NAV2: variants seen among roughly 807,000 people sequenced by gnomAD.
The protein encoded by NAV2 is helicase, APC down-regulated 1.
In NAV2, 54 loss-of-function variants were observed where a neutral mutation model predicts 223.2. That is an observed-to-expected ratio of 0.24 (90% CI 0.19 to 0.30). NAV2 has a LOEUF of 0.30. Ranked by LOEUF, NAV2 falls within the 10% of genes least tolerant of loss-of-function variation. NAV2 has a pLI of 1.00. For synonymous variants in NAV2, 1,279 were observed against 1,239.3 expected, an observed-to-expected ratio of 1.03 and a Z score of -0.67; for missense variants, 2,806 against 3,147.5, an observed-to-expected ratio of 0.89 and a Z score of 2.60.
chr11:19,351,467 T>C (rs2133700648), intron 1 of NAV2, among the ~76,000 whole-genome samples: 1 of 152,322 alleles, frequency 6.6e-6, no homozygotes, highest in East Asian at 1.9e-4. Flanking sequence ...AAAAACATAT[T>C]CTACTGCACT....
upstream of NAV2, chr11:19,712,184 G>C (rs1247767046): frequency 1.3e-5 from 2 of 152,212 alleles, no homozygotes; most frequent in Non-Finnish European, 2.9e-5. Context: ...AGCCTCTCCC[G>C]GCTTCTTCAG....
rs1056773616 is a variant in NAV2, at chr11:19,572,785, A to G, written c.75+221758A>G. Among the ~76,000 whole-genome samples the G allele has an allele frequency of 3.2e-4, 48 of 152,292 alleles. 1 individual carries two copies. Among genetic ancestry groups the G allele is most frequent in the Non-Finnish European group, 1.0e-4 (7 of 68,026 alleles). ...AAATGGGAATCATAATGGTGTATAT[A>G]AAAGCTTCCAGAATTTTGCCCAGCA... On this transcript the variant is annotated intron_variant, in intron 1 of 37. Transcript: ENST00000360655.
intron 6 of NAV2, among the ~76,000 whole-genome samples, chr11:19,925,714 C>CT (rs1315757508): frequency 6.6e-6 from 1 of 150,918 alleles, no homozygotes; most frequent in East Asian, 1.9e-4. Flanking sequence ...CGCCACTACA[C>CT]TCCAGCCTGG....
intron 1 of NAV2, among the ~76,000 whole-genome samples, chr11:19,702,974 C>A (rs1054295839): frequency 1.2e-4 from 18 of 151,076 alleles, no homozygotes; most frequent in African/African-American, 4.1e-4. Flanking sequence ...CCCTAATTTA[C>A]CCCTCAGAAA....
chr11:20,032,945 G>A (rs985605805), intron 11 of NAV2, among the ~76,000 whole-genome samples: 12 of 152,166 alleles, frequency 7.9e-5, no homozygotes, highest in Non-Finnish European at 1.2e-4. Flanking sequence ...CAGTCCTCAC[G>A]GCCTCAGTTT....
chr11:19,557,508 ATCGATGGTAC>A (rs1364179237), intron 1 of NAV2, among the ~76,000 whole-genome samples: 1 of 152,162 alleles, frequency 6.6e-6, no homozygotes, highest in Admixed American at 6.5e-5. Context: ...TTCATGGACA[ATCGATGGTAC>A]TCTAGGCTCT....
chr11:20,090,424 G>C (rs1470844241), intron 26 of NAV2, among the ~76,000 whole-genome samples: 1 of 151,856 alleles, frequency 6.6e-6, no homozygotes, highest in Non-Finnish European at 1.5e-5. Flanking sequence ...GATTGCCAGA[G>C]CTCAGCAAAG....
intron 36 of NAV2, among the ~76,000 whole-genome samples, chr11:20,109,686 A>G (rs2062462050): frequency 6.6e-6 from 1 of 152,242 alleles, no homozygotes; most frequent in South Asian, 2.1e-4. Context: ...AGAGAATTGC[A>G]GGCAGATGAG....
At chr11:19,787,935 G>C (rs760258292) in intron 1 of NAV2, among the ~76,000 whole-genome samples, 1 of 152,168 alleles carries the variant, frequency 6.6e-6, no homozygotes, top group African/African-American at 2.4e-5. Flanking sequence ...CTCAGAGAGA[G>C]CACATGTACT....
intron 1 of NAV2, among the ~76,000 whole-genome samples, chr11:19,646,289 C>T (rs1392934349): frequency 5.9e-5 from 9 of 152,198 alleles, no homozygotes; most frequent in African/African-American, 1.9e-4. Flanking sequence ...CTCCTCCTTA[C>T]CAACCTTGAG....
chr11:19,935,301 C>T (rs2045748101), intron 7 of NAV2, among the ~76,000 whole-genome samples: 1 of 152,230 alleles, frequency 6.6e-6, no homozygotes, highest in Non-Finnish European at 1.5e-5. Flanking sequence ...ACGTATTTTA[C>T]AGTTGTAACT....
At chr11:19,827,320 C>T (rs1335885383) in intron 1 of NAV2, among the ~76,000 whole-genome samples, 3 of 152,156 alleles carry the variant, frequency 2.0e-5, no homozygotes, top group Non-Finnish European at 4.4e-5. Flanking sequence ...GTCACAACTG[C>T]TCGGCTTTGC....
intron 1 of NAV2, among the ~76,000 whole-genome samples, chr11:19,554,164 G>A (rs1396983613): frequency 6.6e-6 from 1 of 152,206 alleles, no homozygotes; most frequent in East Asian, 1.9e-4. Flanking sequence ...GCCTGAAATC[G>A]TGCTATGACA....
At chr11:19,728,146 C>T (rs909131095) in intron 1 of NAV2, among the ~76,000 whole-genome samples, 7 of 152,178 alleles carry the variant, frequency 4.6e-5, no homozygotes, top group Non-Finnish European at 1.0e-4. Flanking sequence ...CGAGATGCTC[C>T]TTGAGAGGTT....
At chr11:19,962,328 A>G (rs1180586671) in intron 10 of NAV2, among the ~76,000 whole-genome samples, 1 of 152,026 alleles carries the variant, frequency 6.6e-6, no homozygotes, top group Non-Finnish European at 1.5e-5. Flanking sequence ...AGTCTCATCT[A>G]AAATATTCCT....
intron 1 of NAV2, among the ~76,000 whole-genome samples, chr11:19,721,300 G>A (rs1338011131): frequency 1.3e-5 from 2 of 152,180 alleles, no homozygotes; most frequent in African/African-American, 4.8e-5. Context: ...TCAATGTTAA[G>A]TAAGTATTAG....
At chr11:19,481,217 G>A (rs1051852428) in intron 1 of NAV2, among the ~76,000 whole-genome samples, 1 of 152,078 alleles carries the variant, frequency 6.6e-6, no homozygotes, top group South Asian at 2.1e-4. Flanking sequence ...GATGGATAGG[G>A]ACAATGGTGG....
At chr11:19,378,842 C>T (rs558320641) in intron 1 of NAV2, among the ~76,000 whole-genome samples, 29 of 152,272 alleles carry the variant, frequency 1.9e-4, no homozygotes, top group African/African-American at 6.3e-4. Flanking sequence ...ACTGGCACCC[C>T]GCTCTGAGCT....
chr11:19,815,368 AT>A (rs980656575), intron 1 of NAV2, among the ~76,000 whole-genome samples: 2 of 152,194 alleles, frequency 1.3e-5, no homozygotes, highest in African/African-American at 4.8e-5. Flanking sequence ...TCTCATTATT[AT>A]TTTTAACTCC....
Sources: gnomAD v4.1 joint callset for allele counts (sites outside exome capture counted in the v4.1 genomes callset) on GRCh38, gnomAD v4.1.1 for gene constraint, MANE v1.5 for transcripts, NCBI Gene and HGNC (gene_info 2026-07-23, HGNC 2026-07-21) for gene names.